Variants in BAIAP2 observed in about 807,000 individuals in gnomAD.
BAIAP2 encodes the protein BAR/IMD domain containing adaptor protein 2.
In BAIAP2, 18 loss-of-function variants were observed where a neutral mutation model predicts 63.0. The ratio of observed to expected loss-of-function variants is 0.29; its 90% CI spans 0.20 to 0.42. BAIAP2 has a LOEUF of 0.42. Among genes scored for constraint, BAIAP2 ranks in the 10% least tolerant of loss-of-function variants. BAIAP2 has a pLI of 1.00. For missense variants in BAIAP2, 610 were observed against 734.3 expected, an observed-to-expected ratio of 0.83 and a Z score of 1.96; for synonymous variants, 386 against 307.6, an observed-to-expected ratio of 1.25 and a Z score of -2.67.
chr17:81,104,476 C>T, intron 9 of BAIAP2, 38 bp from the exon 10 acceptor site: 22 of 1,550,086 alleles, frequency 1.4e-5, no homozygotes, highest in Non-Finnish European at 1.8e-5. Context: ...GCCCCGCCAG[C>T]CAGGGGCAGT....
intron 1 of BAIAP2, among the ~76,000 whole-genome samples, chr17:81,038,664 G>C (rs772920934): frequency 3.3e-5 from 5 of 152,246 alleles, no homozygotes; most frequent in South Asian, 2.1e-4. Flanking sequence ...TGGTGTGATT[G>C]GTAAGGGCTG....
intron 3 of BAIAP2, among the ~76,000 whole-genome samples, chr17:81,072,028 G>A (rs1333189759): frequency 6.6e-6 from 1 of 152,218 alleles, no homozygotes; most frequent in Non-Finnish European, 1.5e-5. Context: ...AGTCTCTTGG[G>A]CCATCATCGT....
At chr17:81,114,588 C>CTT (rs935019320) in intron 13 of BAIAP2, among the ~76,000 whole-genome samples, 40 of 152,368 alleles carry the variant, frequency 2.6e-4, no homozygotes, top group African/African-American at 9.6e-4. Flanking sequence ...ATCTGGGAGT[C>CTT]TGGGAGCCTT....
In BAIAP2 at chr17:81,053,390, A is replaced by C. The variant is rs1235602011; in HGVS notation, c.55-278A>C. On this transcript the variant is annotated intron_variant, in intron 1 of 13. Transcript: ENST00000428708. ...TGTATTCTGCCTGCTGCACCATGCA[A>C]ATGCGCTCCTTCAGCCCGCAGACAC... The C allele has an allele frequency of 3.2e-5, 15 of 471,410 alleles. No homozygotes were observed. The East Asian group carries it at 5.8e-4, about 18-fold the overall frequency. 29.2% of individuals were successfully genotyped at this position (471,410 alleles called of 1,614,324 possible).
intron 6 of BAIAP2, among the ~76,000 whole-genome samples, chr17:81,097,935 C>T (rs1050258546): frequency 6.6e-6 from 1 of 152,252 alleles, no homozygotes; most frequent in Non-Finnish European, 1.5e-5. Flanking sequence ...CCGGAGAGCC[C>T]TTGACATCCA....
rs777503422 is a variant in BAIAP2 at position 81,085,328 on chromosome 17, A to T, written c.280-326A>T. 1.3e-5 allele frequency: 7 copies of T among 543,166 alleles called. No homozygotes were observed. In the East Asian group the frequency reaches 2.3e-4, roughly 18 times the overall value. The allele number at this position is 543,166 out of a possible 1,614,324, so 33.6% of individuals were successfully genotyped here. On this transcript the variant is annotated intron_variant, in intron 4 of 13. Coordinates refer to ENST00000428708, the MANE Select transcript of BAIAP2 (RefSeq NM_001144888.2). ...CTGACCCTGGTGTCAGTTCAGGCCCATGGGCCCTGCGACCTCTCAGCCTGT... is the reference window on the plus strand; with the variant it reads ...CTGACCCTGGTGTCAGTTCAGGCCCTTGGGCCCTGCGACCTCTCAGCCTGT...
rs1272218404 is a variant in BAIAP2 at position 81,046,039 on chromosome 17, C to T, written c.55-7629C>T. On this transcript the variant is annotated intron_variant, in intron 1 of 13. Transcript: ENST00000428708. This position sits in a 1 kb window ranked among gnomAD's most constrained non-coding sequence, Gnocchi z 4.5. ...CTGGCACGGCAGAGGGGTTTGGCCA[C>T]CCAGTTTTCTTCTCCCCTCGGCTGT... is the stretch of plus-strand genomic sequence containing the variant. 6.6e-6 allele frequency among the ~76,000 whole-genome samples: 1 copy of T among 152,138 alleles called. No homozygotes were observed. The highest frequency in any genetic ancestry group is 2.4e-5 in the African/African-American group (1 of 41,430).
rs529301621 is a variant in BAIAP2 at position 81,074,728 on chromosome 17, G to A, written c.218-10104G>A. On this transcript the variant is annotated intron_variant, in intron 3 of 13. Coordinates refer to ENST00000428708, the MANE Select transcript of BAIAP2 (RefSeq NM_001144888.2). Reference sequence around the variant, plus strand: ...GATGCGTGTCTGTGCGTCTGTGTGCGTGCACAGATGCGTGTGAGTGCCTGT... The same window carrying A: ...GATGCGTGTCTGTGCGTCTGTGTGCATGCACAGATGCGTGTGAGTGCCTGT... Among the ~76,000 whole-genome samples, 7 of 151,228 alleles carry A rather than the reference G, an allele frequency of 4.6e-5. No individual in the cohort carries two copies. The East Asian group carries it at 5.9e-4, about 13-fold the overall frequency.
At chr17:81,095,410 C>G (rs1436189874) in intron 6 of BAIAP2, among the ~76,000 whole-genome samples, 2 of 152,204 alleles carry the variant, frequency 1.3e-5, no homozygotes, top group African/African-American at 4.8e-5. Flanking sequence ...TCCTCCCCGT[C>G]CCCGCACCGG....
chr17:81,114,937 C>T (rs1286785253), intron 13 of BAIAP2, among the ~76,000 whole-genome samples: 1 of 152,218 alleles, frequency 6.6e-6, no homozygotes, highest in East Asian at 1.9e-4. Flanking sequence ...AGCACAGTCC[C>T]GTCCCTGCTG....
chr17:81,072,901 A>G (rs113298615), intron 3 of BAIAP2, among the ~76,000 whole-genome samples: 1 of 151,910 alleles, frequency 6.6e-6, no homozygotes, highest in Non-Finnish European at 1.5e-5. Flanking sequence ...GTCTGTGGTC[A>G]TGAGCCTGCA....
chr17:81,099,759 C>T (rs2058237607), intron 6 of BAIAP2, among the ~76,000 whole-genome samples, 169 bp from the exon 7 acceptor site: 1 of 152,254 alleles, frequency 6.6e-6, no homozygotes, highest in South Asian at 2.1e-4. Context: ...GTAGCTGAAG[C>T]CTCCTGGGGG....
chr17:81,103,427 G>A, intron 7 of BAIAP2, 75 bp from the exon 8 acceptor site: 2 of 1,345,682 alleles, frequency 1.5e-6, no homozygotes, highest in South Asian at 1.3e-5. Flanking sequence ...GCTCAGGGAG[G>A]GCCCTCAGCG....
At chr17:81,091,812 C>T (rs1003764546) in intron 6 of BAIAP2, among the ~76,000 whole-genome samples, 1 of 152,246 alleles carries the variant, frequency 6.6e-6, no homozygotes, top group Non-Finnish European at 1.5e-5. Flanking sequence ...GCTGCCCCTG[C>T]CACAGAGGCC....
intron 3 of BAIAP2, among the ~76,000 whole-genome samples, chr17:81,078,534 TTGGG>T (rs1405270067): frequency 8.2e-6 from 1 of 122,140 alleles, no homozygotes; most frequent in Admixed American, 8.7e-5. Flanking sequence ...GGGTGCCGTA[TTGGG>T]TGGGAGCCGG....
rs376863621 is a variant in BAIAP2 at position 81,115,879 on chromosome 17, C to T, written c.*40C>T. ...GTGCTGCCCATCTGGTGGCTTCCCCCGCCCTTCCCATGTAGCCTGTTCTGT... is the reference window on the plus strand; with the variant it reads ...GTGCTGCCCATCTGGTGGCTTCCCCTGCCCTTCCCATGTAGCCTGTTCTGT... On this transcript the variant is annotated 3_prime_UTR_variant, in exon 14 of 14. Coordinates refer to ENST00000428708, the MANE Select transcript of BAIAP2 (RefSeq NM_001144888.2). 5.7e-4 allele frequency: 926 copies of T among 1,610,788 alleles called. 10 individuals carry two copies. The highest frequency in any genetic ancestry group is 3.8e-3 in the Middle Eastern group (23 of 6,026).
In BAIAP2 at chr17:81,035,255, ATGTCTC is replaced by A. The variant is rs764692151; in HGVS notation, c.8_13del (p.LeuSer3_?4). The A allele has an allele frequency of 9.2e-6, 14 of 1,521,598 alleles. No homozygotes were observed. Among genetic ancestry groups the A allele is most frequent in the Non-Finnish European group, 1.1e-5 (13 of 1,131,288 alleles). The allele number at this position is 1,521,598 out of a possible 1,614,324, so 94.3% of individuals were successfully genotyped here. ...TGTGGTGCAGCCGGGACCCAGGACC[ATGTCTC>A]TGTCTCGCTCAGAGGAGATGCACCG... On this transcript the variant is annotated start_lost and inframe_deletion, in exon 1 of 14. Coordinates refer to ENST00000428708, the MANE Select transcript of BAIAP2 (RefSeq NM_001144888.2).
At chr17:81,078,050 C>CT (rs2053966659) in intron 3 of BAIAP2, among the ~76,000 whole-genome samples, 1 of 134,214 alleles carries the variant, frequency 7.5e-6, no homozygotes, top group African/African-American at 2.9e-5. Context: ...GAGCCAGGCA[C>CT]TGTGGGTGCC....
In BAIAP2 at chr17:81,102,981, G is replaced by A. The variant is rs192161060; in HGVS notation, c.643-521G>A. Among the ~76,000 whole-genome samples the A allele has an allele frequency of 3.4e-3, 522 of 152,362 alleles. 8 individuals are homozygous for A. In the South Asian group the frequency reaches 0.039, roughly 11 times the overall value. On this transcript the variant is annotated intron_variant, in intron 7 of 13. Coordinates refer to ENST00000428708, the MANE Select transcript of BAIAP2 (RefSeq NM_001144888.2). ...TGTCCCCACTGTGCTCAGCTGGTCTGTGTCCAGCAGGCCGCAGAGTACGCC... is the reference window on the plus strand; with the variant it reads ...TGTCCCCACTGTGCTCAGCTGGTCTATGTCCAGCAGGCCGCAGAGTACGCC...
Sources: allele counts gnomAD v4.1 joint callset (sites outside exome capture counted in the v4.1 genomes callset), GRCh38; gene constraint gnomAD v4.1.1; non-coding constraint Gnocchi (gnomAD v3.1); transcripts MANE v1.5; gene names NCBI Gene and HGNC (gene_info 2026-07-23, HGNC 2026-07-21).